The following ACYP2 variants were observed in gnomAD, a reference collection of about 807,000 sequenced individuals.
The protein encoded by ACYP2 is acylphosphatase 2, also known as acylphosphatase-2.
Under a neutral mutation model 11.2 loss-of-function variants are expected in ACYP2, and 12 were observed. That is an observed-to-expected ratio of 1.08 (90% CI 0.69 to 1.74). ACYP2 has a LOEUF of 1.74. ACYP2 is among the 40% of genes most tolerant of loss of function. The probability of loss-of-function intolerance (pLI) is 0.00; values close to 1 mark genes in which losing one functional copy is unlikely to be tolerated. For synonymous variants in ACYP2, 43 were observed against 32.2 expected, an observed-to-expected ratio of 1.33 and a Z score of -1.13; for missense variants, 134 against 101.9, an observed-to-expected ratio of 1.31 and a Z score of -1.35.
intron 4 of ACYP2, among the ~76,000 whole-genome samples, chr2:54,095,414 G>C (rs994416685): frequency 1.4e-4 from 22 of 152,306 alleles, no homozygotes; most frequent in African/African-American, 5.1e-4. Context: ...CCTCCCAGAC[G>C]GGGTGGTGGC....
intron 6 of ACYP2, among the ~76,000 whole-genome samples, chr2:54,163,222 A>G (rs749468631): frequency 6.6e-6 from 1 of 152,214 alleles, no homozygotes; most frequent in South Asian, 2.1e-4. Flanking sequence ...CCATGCCTGC[A>G]TGTGAGTTAT....
chr2:54,134,419 A>G (rs1027339575), intron 4 of ACYP2, among the ~76,000 whole-genome samples: 7 of 152,248 alleles, frequency 4.6e-5, no homozygotes, highest in Non-Finnish European at 8.8e-5. Flanking sequence ...AATAAAATAC[A>G]CAAATGTTTT....
At chr2:54,280,922 T>C (rs898837012) in intron 6 of ACYP2, among the ~76,000 whole-genome samples, 1 of 152,162 alleles carries the variant, frequency 6.6e-6, no homozygotes, top group African/African-American at 2.4e-5. Context: ...TTGAAGAGAA[T>C]CTACCAGGTG....
intron 6 of ACYP2, among the ~76,000 whole-genome samples, chr2:54,289,370 T>C (rs1025564657): frequency 6.6e-5 from 10 of 152,050 alleles, no homozygotes; most frequent in African/African-American, 2.2e-4. Flanking sequence ...GCCCAAGCTC[T>C]TTAAATTTTT....
Position 54,304,752 on chromosome 2 carries a change from G to GA in ACYP2, c.475dup (p.Thr159AsnfsTer4). Reference sequence around the variant, plus strand: ...CATTGACCGCACAAACTTTTCTAATGAAAAAACCATCTCTAAGCTTGAATA... The same window carrying GA: ...CATTGACCGCACAAACTTTTCTAATGAAAAAAACCATCTCTAAGCTTGAATA... On this transcript the variant is annotated frameshift_variant, in exon 7 of 7. Coordinates refer to ENST00000607452, the MANE Select transcript of ACYP2 (RefSeq NM_001320586.2). LOFTEE classifies it high-confidence loss of function. The GA allele has an allele frequency of 6.2e-7, 1 of 1,611,646 alleles. No individual in the cohort carries two copies.
chr2:54,210,378 A>C (rs974691958), intron 6 of ACYP2, among the ~76,000 whole-genome samples: 5 of 152,042 alleles, frequency 3.3e-5, no homozygotes, highest in Non-Finnish European at 5.9e-5. Context: ...AATATATACA[A>C]ACATATAATT....
At chr2:54,201,020 T>C (rs922758555) in intron 6 of ACYP2, among the ~76,000 whole-genome samples, 1 of 152,214 alleles carries the variant, frequency 6.6e-6, no homozygotes, top group Non-Finnish European at 1.5e-5. Flanking sequence ...TAAAATCCTT[T>C]CATGTGCTTA....
chr2:54,128,856 G>T (rs991490063), intron 4 of ACYP2, among the ~76,000 whole-genome samples: 14 of 151,968 alleles, frequency 9.2e-5, no homozygotes, highest in African/African-American at 3.1e-4. Flanking sequence ...TCTTTTGCCT[G>T]CATTTTCACT....
chr2:54,262,977 T>C (rs1474949089), intron 6 of ACYP2, among the ~76,000 whole-genome samples: 1 of 152,148 alleles, frequency 6.6e-6, no homozygotes, highest in Non-Finnish European at 1.5e-5. Context: ...GCCAGCACTA[T>C]GGGGGGCCAA....
At chr2:54,068,409 C>G (rs1320600439) in intron 4 of ACYP2, among the ~76,000 whole-genome samples, 3 of 152,170 alleles carry the variant, frequency 2.0e-5, no homozygotes, top group Admixed American at 1.3e-4. Context: ...ATGAAATTTT[C>G]TCTTAGGACT....
intron 6 of ACYP2, among the ~76,000 whole-genome samples, chr2:54,261,440 G>A (rs1359232673): frequency 6.6e-6 from 1 of 152,008 alleles, no homozygotes; most frequent in Non-Finnish European, 1.5e-5. Flanking sequence ...AGGGAAGGAA[G>A]AACGATATGG....
At chr2:54,143,058 T>C (rs1448485949) in intron 6 of ACYP2, 1 of 152,228 alleles carries the variant, frequency 6.6e-6, no homozygotes, top group Non-Finnish European at 1.5e-5. Flanking sequence ...CTATCAGTTT[T>C]TTAAAAAACT....
intron 6 of ACYP2, among the ~76,000 whole-genome samples, chr2:54,243,746 C>CT (rs202200095): frequency 0.023 from 3,553 of 151,838 alleles, 85 homozygotes; most frequent in Non-Finnish European, 0.026. Flanking sequence ...ATTTTTGTAT[C>CT]TTTTTTTTAG....
intron 4 of ACYP2, chr2:54,115,337 C>A (rs999351820): frequency 2.0e-6 from 1 of 497,424 alleles, no homozygotes; most frequent in Admixed American, 4.0e-5. Flanking sequence ...TGGGGGAAGC[C>A]ACTCTTTTTT....
At chr2:54,149,249 AAT>A (rs1322820156) in intron 6 of ACYP2, among the ~76,000 whole-genome samples, 2 of 152,214 alleles carry the variant, frequency 1.3e-5, no homozygotes, top group Admixed American at 1.3e-4. Flanking sequence ...GAAAATGTGG[AAT>A]ACAACAGGGA....
chr2:54,040,247 T>C (rs1054618418), intron 2 of ACYP2, among the ~76,000 whole-genome samples: 2 of 152,148 alleles, frequency 1.3e-5, no homozygotes, highest in Non-Finnish European at 2.9e-5. Flanking sequence ...TTCAAGGCTT[T>C]GAACTCTGCA....
chr2:54,047,254 C>T (rs79912066), intron 2 of ACYP2, among the ~76,000 whole-genome samples: 279 of 152,232 alleles, frequency 1.8e-3, no homozygotes, highest in African/African-American at 6.5e-3. Context: ...GTGCCAGAAC[C>T]GCAGGAGAGT....
At chr2:54,053,615 C>A (rs1675976855) in intron 3 of ACYP2, among the ~76,000 whole-genome samples, 1 of 152,200 alleles carries the variant, frequency 6.6e-6, no homozygotes, top group African/African-American at 2.4e-5. Flanking sequence ...TCTTTCCTGG[C>A]AACTCTTAGC....
chr2:54,118,060 A>G (rs113775094), intron 4 of ACYP2, among the ~76,000 whole-genome samples: 1 of 152,230 alleles, frequency 6.6e-6, no homozygotes, highest in African/African-American at 2.4e-5. Context: ...ACTTAGGATA[A>G]CAGGAGACCT....
Sources: allele counts gnomAD v4.1 joint callset (sites outside exome capture counted in the v4.1 genomes callset), GRCh38; gene constraint gnomAD v4.1.1; transcripts MANE v1.5; gene names NCBI Gene and HGNC (gene_info 2026-07-23, HGNC 2026-07-21).